Variants in TBC1D15 observed in about 807,000 individuals in gnomAD.
TBC1D15 encodes TBC1 domain family member 15.
TBC1D15 carries 39 observed loss-of-function variants against 95.4 expected under a neutral mutation model. That is an observed-to-expected ratio of 0.41 (90% CI 0.32 to 0.53). The LOEUF is 0.53. Among genes scored for constraint, TBC1D15 ranks in the 20% least tolerant of loss-of-function variants. The probability of loss-of-function intolerance (pLI) is 0.29; values close to 1 mark genes in which losing one functional copy is unlikely to be tolerated. For synonymous variants in TBC1D15, 258 were observed against 261.3 expected (o/e 0.99, Z 0.12); for missense variants, 733 against 794.3 (o/e 0.92, Z 0.93).
chr12:71,894,699 A>G lies in TBC1D15; in HGVS notation c.671A>G (p.Asp224Gly). Residue 224 changes from aspartate (D) to glycine (G), a missense_variant, in exon 7 of 17, where the codon GAC becomes GGC. Coordinates refer to ENST00000485960, the MANE Select transcript of TBC1D15 (RefSeq NM_001146213.3). Reference sequence around the variant, plus strand: ...CCTACTGCATAGAAAATTAAAAAGGACCCTTATACGGCAACTATGATAGGA... The same window carrying G: ...CCTACTGCATAGAAAATTAAAAAGGGCCCTTATACGGCAACTATGATAGGA... ...AYGLIQKIKK[D>G]PYTATMIGFS... The G allele has an allele frequency of 6.2e-7, 1 of 1,609,964 alleles. No homozygotes were observed. The highest frequency in any genetic ancestry group is 8.5e-7 in the Non-Finnish European group (1 of 1,178,586).
At chr12:71,896,462 T>C (rs1158888519) in intron 8 of TBC1D15, 1 of 436,964 alleles carries the variant, frequency 2.3e-6, no homozygotes, top group East Asian at 3.7e-5. Context: ...TATTCTGTAG[T>C]CTACTGTATT....
intron 10 of TBC1D15, among the ~76,000 whole-genome samples, chr12:71,901,881 C>T (rs1355574850): frequency 6.6e-6 from 1 of 152,134 alleles, no homozygotes; most frequent in Non-Finnish European, 1.5e-5. Context: ...TGATAAACAA[C>T]TTCAGTAAAG....
chr12:71,902,678 C>T (rs940202757), intron 10 of TBC1D15, among the ~76,000 whole-genome samples: 9 of 152,256 alleles, frequency 5.9e-5, no homozygotes, highest in Non-Finnish European at 8.8e-5. Context: ...GCAAAGACTT[C>T]ATGAAGAAGA....
Position 71,923,052 on chromosome 12 carries a change from G to A in TBC1D15, c.1873G>A (p.Val625Ile), listed in dbSNP as rs140008712. 4.6e-5 allele frequency: 75 copies of A among 1,614,098 alleles called. No homozygotes were observed. Among genetic ancestry groups the A allele is most frequent in the Non-Finnish European group, 6.2e-5 (73 of 1,180,042 alleles). The part of the protein sequence containing the change: ...GSEVTTPDSD[V>I]GEDENVVMTP... ...TGAAGTTACAACACCAGATTCAGAC[G>A]TTGGTGAAGACGAAAATGTTGTCAT... Residue 625 changes from valine (V) to isoleucine (I), a missense_variant, in exon 17 of 17, where the codon GTT becomes ATT. Transcript: ENST00000485960.
At position 71,906,324 on chromosome 12, in the gene TBC1D15, A is replaced by G. The variant is rs1474897422; in HGVS notation, c.1184-698A>G. ...TCTTCCTAATTTACTGAGAGATTCA[A>G]GTTTGGAGAATGCCTTGTGGTAAAG... On this transcript the variant is annotated intron_variant, in intron 10 of 16. Coordinates refer to ENST00000485960, the MANE Select transcript of TBC1D15 (RefSeq NM_001146213.3). 2.6e-5 allele frequency among the ~76,000 whole-genome samples: 4 copies of G among 152,366 alleles called. No individual in the cohort carries two copies. The East Asian group carries it at 7.7e-4, about 29-fold the overall frequency.
At chr12:71,858,371 C>A (rs1313738452) in intron 1 of TBC1D15, among the ~76,000 whole-genome samples, 1 of 151,794 alleles carries the variant, frequency 6.6e-6, no homozygotes. Context: ...CATGCCCGGC[C>A]ACCACATTTT....
chr12:71,912,746 G>A (rs535014863), intron 11 of TBC1D15, among the ~76,000 whole-genome samples: 6 of 152,084 alleles, frequency 3.9e-5, no homozygotes, highest in South Asian at 4.1e-4. Flanking sequence ...CTTTGGATTC[G>A]CAAATGAAAG....
intron 1 of TBC1D15, among the ~76,000 whole-genome samples, chr12:71,847,984 C>G (rs975603695): frequency 5.3e-5 from 8 of 152,126 alleles, no homozygotes; most frequent in Admixed American, 4.6e-4. Context: ...GTAATCCCAG[C>G]TACTCGGGAG....
At chr12:71,861,721 A>G (rs1289482418) in intron 1 of TBC1D15, among the ~76,000 whole-genome samples, 1 of 140,820 alleles carries the variant, frequency 7.1e-6, no homozygotes, top group Non-Finnish European at 1.6e-5. Context: ...CTTTTCTTCT[A>G]TTCACTTGTA....
rs190922847 is a variant in TBC1D15 at position 71,877,764 on chromosome 12, G to A, written c.205-2705G>A. ...TTGTAATATATTTTCTTATTACTGA[G>A]GAGTTTAAGGATAGCTTCTTAGATG... On this transcript the variant is annotated intron_variant, in intron 3 of 16. Coordinates refer to ENST00000485960, the MANE Select transcript of TBC1D15 (RefSeq NM_001146213.3). 2.6e-5 allele frequency among the ~76,000 whole-genome samples: 4 copies of A among 152,106 alleles called. No individual in the cohort carries two copies. In the East Asian group the frequency reaches 7.7e-4, roughly 29 times the overall value.
chr12:71,892,447 A>G (rs956382296), intron 5 of TBC1D15, among the ~76,000 whole-genome samples: 1 of 152,026 alleles, frequency 6.6e-6, no homozygotes, highest in Non-Finnish European at 1.5e-5. Flanking sequence ...TTGTAGATTT[A>G]TTAGAACTGA....
intron 8 of TBC1D15, 50 bp from the exon 9 acceptor site, chr12:71,896,627 A>G (rs749037975): frequency 5.4e-5 from 79 of 1,472,292 alleles, no homozygotes; most frequent in Non-Finnish European, 7.0e-5. Flanking sequence ...GTGAACTTAC[A>G]GTATTACATT....
chr12:71,867,706 C>A (rs1891785082), intron 1 of TBC1D15, among the ~76,000 whole-genome samples: 1 of 152,158 alleles, frequency 6.6e-6, no homozygotes, highest in African/African-American at 2.4e-5. Flanking sequence ...CCAGGCTGGT[C>A]TGGAACTCCT....
chr12:71,846,268 A>G (rs960735526), intron 1 of TBC1D15, among the ~76,000 whole-genome samples: 1 of 152,208 alleles, frequency 6.6e-6, no homozygotes, highest in Non-Finnish European at 1.5e-5. Context: ...AAATGTACTT[A>G]TCTGCTTGGG....
chr12:71,864,429 C>T (rs1334223889), intron 1 of TBC1D15, among the ~76,000 whole-genome samples: 1 of 151,752 alleles, frequency 6.6e-6, no homozygotes, highest in Non-Finnish European at 1.5e-5. Flanking sequence ...GGAACAATTC[C>T]CTTTCTAAAC....
intron 6 of TBC1D15, 116 bp from the exon 7 acceptor site, chr12:71,894,570 C>A: frequency 9.1e-7 from 1 of 1,097,806 alleles, no homozygotes; most frequent in Non-Finnish European, 1.3e-6. Context: ...TTAGAACACT[C>A]TGTTTTAGTC....
rs778073078 is a variant in TBC1D15, at chr12:71,923,051, C to T, written c.1872C>T (p.Asp624=). ...GTGAAGTTACAACACCAGATTCAGA[C>T]GTTGGTGAAGACGAAAATGTTGTCA... ...QGSEVTTPDS[D]VGEDENVVMT... is the part of the protein sequence containing the mutation. The change falls in exon 17 of 17, where the codon GAC becomes GAT. Residue 624 remains aspartate (D), a synonymous_variant. Transcript: ENST00000485960. 7.6e-5 allele frequency: 123 copies of T among 1,614,082 alleles called. No individual in the cohort carries two copies. Among genetic ancestry groups the T allele is most frequent in the Middle Eastern group, 1.6e-4 (1 of 6,084 alleles).
At chr12:71,846,015 C>T (rs1390502751) in intron 1 of TBC1D15, among the ~76,000 whole-genome samples, 1 of 152,056 alleles carries the variant, frequency 6.6e-6, no homozygotes, top group African/African-American at 2.4e-5. Flanking sequence ...GAAGGATGTT[C>T]TTGAGTTGGA....
In TBC1D15 at chr12:71,908,359, C is replaced by G. The variant is rs557906368; in HGVS notation, c.1300+1221C>G. 2.4e-4 allele frequency among the ~76,000 whole-genome samples: 36 copies of G among 152,268 alleles called. 1 individual carries two copies. Among genetic ancestry groups the G allele is most frequent in the South Asian group, 4.1e-4 (2 of 4,824 alleles). ...AAGTATAAATACTAGAAATGTTTGA[C>G]TTATCTGCTATGTGAGTGGCTTCTA... On this transcript the variant is annotated intron_variant, in intron 11 of 16. Transcript: ENST00000485960.
Sources: allele counts gnomAD v4.1 joint callset (sites outside exome capture counted in the v4.1 genomes callset), GRCh38; gene constraint gnomAD v4.1.1; transcripts MANE v1.5; gene names NCBI Gene and HGNC (gene_info 2026-07-23, HGNC 2026-07-21).